TLN2: variants seen among roughly 807,000 people sequenced by gnomAD.
The protein encoded by TLN2 is talin 2.
A neutral mutation model predicts 294.7 loss-of-function variants in TLN2; 118 were observed. The observed-to-expected ratio is 0.40, with a 90% CI of 0.34 to 0.47. TLN2 has a LOEUF of 0.47. TLN2 is among the 20% of genes least tolerant of loss of function. The probability of loss-of-function intolerance (pLI) is 0.84; values close to 1 mark genes in which losing one functional copy is unlikely to be tolerated. For missense variants in TLN2, 3,083 were observed against 3,282.2 expected (o/e 0.94, Z 1.48); for synonymous variants, 1,431 against 1,304.5 (o/e 1.10, Z -2.09).
chr15:62,564,190 A>G (rs12910063), intron 1 of TLN2, among the ~76,000 whole-genome samples: 37,144 of 152,120 alleles, frequency 0.24, 4,884 homozygotes, highest in East Asian at 0.53. Flanking sequence ...CAGAATCCTT[A>G]GCCACACAGC....
intron 36 of TLN2, 28 bp from the exon 37 acceptor site, chr15:62,755,504 A>G: frequency 6.2e-7 from 1 of 1,611,246 alleles, no homozygotes; most frequent in Non-Finnish European, 8.5e-7. Context: ...AGCATGGGGT[A>G]CCCCCAACCT....
chr15:62,448,553 G>C (rs1434147730), intron 1 of TLN2, among the ~76,000 whole-genome samples: 1 of 152,128 alleles, frequency 6.6e-6, no homozygotes, highest in East Asian at 1.9e-4. Flanking sequence ...AGAGATACCG[G>C]GTTTATTATT....
intron 2 of TLN2, among the ~76,000 whole-genome samples, chr15:62,616,445 G>T (rs1351399558): frequency 1.3e-5 from 2 of 151,260 alleles, no homozygotes; most frequent in African/African-American, 4.9e-5. Flanking sequence ...TTCATGTTTT[G>T]AGAGACAGGG....
At chr15:62,625,512 G>C (rs2049203098) in intron 3 of TLN2, among the ~76,000 whole-genome samples, 1 of 152,176 alleles carries the variant, frequency 6.6e-6, no homozygotes, top group African/African-American at 2.4e-5. Context: ...CTACGAGATG[G>C]TCTTGGAGGT....
chr15:62,811,479 G>T (rs77324493), intron 52 of TLN2, among the ~76,000 whole-genome samples: 10,082 of 152,212 alleles, frequency 0.066, 546 homozygotes, highest in East Asian at 0.22. Flanking sequence ...TTTCATTATG[G>T]AACAGTATAT....
At position 62,664,611 on chromosome 15, in the gene TLN2, C is replaced by T. The variant is rs572616697; in HGVS notation, c.788+6713C>T. 2.5e-3 allele frequency among the ~76,000 whole-genome samples: 383 copies of T among 152,050 alleles called. 2 individuals carry two copies. The highest frequency in any genetic ancestry group is 6.8e-3 in the Middle Eastern group (2 of 294). ...CGTTGGCCCACGCCTGTAATCCCAG[C>T]ACTTTGGGAGGCCGAAGTGGGTGGA... On this transcript the variant is annotated intron_variant, in intron 9 of 58. Coordinates refer to ENST00000636159, the MANE Select transcript of TLN2 (RefSeq NM_015059.3).
At chr15:62,724,003 G>A (rs970721598) in intron 26 of TLN2, among the ~76,000 whole-genome samples, 11 of 152,128 alleles carry the variant, frequency 7.2e-5, no homozygotes, top group Admixed American at 4.6e-4. Context: ...ACAAAAATTA[G>A]CCAGGTTGGT....
At chr15:62,716,894 A>G (rs2059810564) in intron 23 of TLN2, among the ~76,000 whole-genome samples, 1 of 152,160 alleles carries the variant, frequency 6.6e-6, no homozygotes, top group Admixed American at 6.5e-5. Flanking sequence ...TTTTGAAATA[A>G]TTATTCTGAA....
At position 62,702,025 on chromosome 15, in the gene TLN2, G is replaced by C. The variant is rs1466856358; in HGVS notation, c.1730G>C (p.Gly577Ala). The change falls in exon 18 of 59, where the codon GGA becomes GCA. Residue 577 changes from glycine (G) to alanine (A), a missense_variant. By Grantham distance (60) the Gly-to-Ala change is moderately conservative. Transcript: ENST00000636159. Reference sequence around the variant, plus strand: ...GCAGACACTGACTACACAGCTGTGGGATGTGCGATCACCACTATTTCTTCC... The same window carrying C: ...GCAGACACTGACTACACAGCTGTGGCATGTGCGATCACCACTATTTCTTCC... ...DPADTDYTAV[G>A]CAITTISSNL... 15 of 1,614,232 alleles carry C rather than the reference G, an allele frequency of 9.3e-6. No individual in the cohort carries two copies. The highest frequency in any genetic ancestry group is 1.3e-5 in the Non-Finnish European group (15 of 1,180,052).
Position 62,716,397 on chromosome 15 carries a change from C to T in TLN2, c.2701C>T (p.Arg901Trp), listed in dbSNP as rs769722515. Residue 901 changes from arginine to tryptophan, a missense_variant, in exon 23 of 59, where the codon CGG (arginine) becomes TGG (tryptophan). Coordinates refer to ENST00000636159, the MANE Select transcript of TLN2 (RefSeq NM_015059.3). Reference protein sequence around the residue: ...QRLREAAEGLRVATNAAAQNA... With the variant: ...QRLREAAEGLWVATNAAAQNA... ...GCTGAGAGAAGCTGCAGAAGGCCTC[C>T]GGGTAGCAACCAACGCAGCTGCCCA... is the stretch of plus-strand genomic sequence containing the variant. The T allele has an allele frequency of 4.4e-5, 71 of 1,611,602 alleles. No homozygotes were observed. Among genetic ancestry groups the T allele is most frequent in the Admixed American group, 2.8e-4 (17 of 59,662 alleles).
At chr15:62,596,070 T>C (rs1420039922) in intron 2 of TLN2, among the ~76,000 whole-genome samples, 10 of 151,800 alleles carry the variant, frequency 6.6e-5, no homozygotes, top group Non-Finnish European at 1.5e-4. Context: ...GGTCAGGAGA[T>C]CGAGACCATG....
At chr15:62,519,148 T>A (rs946672641) in intron 1 of TLN2, among the ~76,000 whole-genome samples, 5 of 152,196 alleles carry the variant, frequency 3.3e-5, no homozygotes, top group African/African-American at 1.2e-4. Context: ...GATATGAAGG[T>A]GGAGTCCACA....
Position 62,697,891 on chromosome 15 carries a change from C to T in TLN2, c.1473+23C>T, listed in dbSNP as rs771650704. 3.7e-5 allele frequency: 60 copies of T among 1,606,758 alleles called. No homozygotes were observed. In the Middle Eastern group the frequency reaches 7.8e-4, roughly 21 times the overall value. On this transcript the variant is annotated intron_variant, in intron 15 of 58. Transcript: ENST00000636159. Reference sequence around the variant, plus strand: ...CTGGTGAGGCTTCCTGTGCTCGTCCCCCACTCGTTAGTCTGCTGCCTCCCG... The same window carrying T: ...CTGGTGAGGCTTCCTGTGCTCGTCCTCCACTCGTTAGTCTGCTGCCTCCCG...
intron 1 of TLN2, among the ~76,000 whole-genome samples, chr15:62,570,127 C>T (rs1567116658): frequency 6.6e-6 from 1 of 152,108 alleles, no homozygotes; most frequent in Non-Finnish European, 1.5e-5. Flanking sequence ...CAAGATTGCC[C>T]TGTTGATGTG....
intron 1 of TLN2, among the ~76,000 whole-genome samples, chr15:62,513,147 G>C (rs960505053): frequency 2.6e-5 from 4 of 152,070 alleles, no homozygotes; most frequent in Non-Finnish European, 4.4e-5. Flanking sequence ...GGAGCCTCTG[G>C]TCATGCTGAG....
At chr15:62,794,697 C>T (rs2065337471) in intron 46 of TLN2, among the ~76,000 whole-genome samples, 1 of 152,160 alleles carries the variant, frequency 6.6e-6, no homozygotes, top group African/African-American at 2.4e-5. Flanking sequence ...AGAAACAATT[C>T]CTTGTGGGCT....
intron 2 of TLN2, among the ~76,000 whole-genome samples, chr15:62,617,367 G>A (rs2048392990): frequency 6.6e-6 from 1 of 152,100 alleles, no homozygotes; most frequent in Non-Finnish European, 1.5e-5. Flanking sequence ...GGATTCCTTG[G>A]TGATCACTTT....
At chr15:62,773,484 C>T (rs1281031733) in intron 42 of TLN2, among the ~76,000 whole-genome samples, 1 of 152,126 alleles carries the variant, frequency 6.6e-6, no homozygotes, top group Non-Finnish European at 1.5e-5. Flanking sequence ...CAAACCCTGA[C>T]AGGCTTAGCC....
chr15:62,838,414 TA>T (rs2070070292), intron 57 of TLN2, among the ~76,000 whole-genome samples: 1 of 151,722 alleles, frequency 6.6e-6, no homozygotes. Context: ...AGGGAGAGGG[TA>T]TGGGTAGAGC....
Sources: allele counts gnomAD v4.1 joint callset (sites outside exome capture counted in the v4.1 genomes callset), GRCh38; gene constraint gnomAD v4.1.1; transcripts MANE v1.5; gene names NCBI Gene and HGNC (gene_info 2026-07-23, HGNC 2026-07-21).